MMP26: variants seen among roughly 807,000 people sequenced by gnomAD.
MMP26 encodes the protein matrix metallopeptidase 26.
Under a neutral mutation model 31.0 loss-of-function variants are expected in MMP26, and 33 were observed. The observed-to-expected ratio is 1.06, with a 90% CI of 0.81 to 1.42. The LOEUF is 1.42. Ranked by LOEUF, MMP26 falls within the 40% of genes most tolerant of loss-of-function variation. The pLI is 0.00. For missense variants in MMP26, 347 were observed against 316.1 expected (o/e 1.10, Z -0.74); for synonymous variants, 122 against 114.9 (o/e 1.06, Z -0.40).
At chr11:4,821,567 T>C in intron 2 of MMP26, 1 of 1,613,310 alleles carries the variant, frequency 6.2e-7, no homozygotes, top group African/African-American at 1.3e-5. Context: ...ATGATCCTGT[T>C]TGTGGTCCTC....
rs558272848 is a variant in MMP26, at chr11:4,722,868, C to T, written c.-217+17823C>T. ...GCCGCGCCAGAGCCAAAGCTGGAGCCCAGGCCATAGCTGAGGCCAGGGCTT... is the reference window on the plus strand; with the variant it reads ...GCCGCGCCAGAGCCAAAGCTGGAGCTCAGGCCATAGCTGAGGCCAGGGCTT... On this transcript the variant is annotated intron_variant, in intron 1 of 7. Transcript: ENST00000380390. 156 of 816,260 alleles carry T rather than the reference C, an allele frequency of 1.9e-4. 1 individual carries two copies. In the African/African-American group the frequency reaches 2.1e-3, roughly 11 times the overall value. 50.6% of individuals were successfully genotyped at this position (816,260 alleles called of 1,614,324 possible).
At chr11:4,725,062 G>A (rs751600484) in intron 1 of MMP26, among the ~76,000 whole-genome samples, 12 of 152,126 alleles carry the variant, frequency 7.9e-5, no homozygotes, top group East Asian at 5.8e-4. Context: ...AGATCTGGTC[G>A]TTTAGGAGTG....
Position 4,804,169 on chromosome 11 carries a change from A to T in MMP26, c.-145+36828A>T, listed in dbSNP as rs772784953. 2.5e-6 allele frequency: 4 copies of T among 1,614,186 alleles called. No individual in the cohort carries two copies. The East Asian group carries it at 6.7e-5, about 27-fold the overall frequency. ...GGAGGAGGAGAGGACCAGGTCAGTG[A>T]TGGCCAGCATGGCCAGAAAGAGGTA... On this transcript the variant is annotated intron_variant, in intron 2 of 7. Coordinates refer to ENST00000380390, the MANE Select transcript of MMP26 (RefSeq NM_021801.5).
chr11:4,774,341 T>C lies in MMP26; in HGVS notation c.-145+7000T>C, dbSNP rs189861868. Among the ~76,000 whole-genome samples the C allele has an allele frequency of 3.5e-3, 540 of 152,326 alleles. 11 individuals are homozygous for C. Among genetic ancestry groups the C allele is most frequent in the East Asian group, 2.9e-3 (15 of 5,186 alleles). Reference sequence around the variant, plus strand: ...ATTCTGACTGGTGTGAGATGGTATCTCCTTGTGGCTTTGATTTGCATTTCT... The same window carrying C: ...ATTCTGACTGGTGTGAGATGGTATCCCCTTGTGGCTTTGATTTGCATTTCT... On this transcript the variant is annotated intron_variant, in intron 2 of 7. Transcript: ENST00000380390.
intron 2 of MMP26, among the ~76,000 whole-genome samples, chr11:4,919,539 G>A (rs1851150802): frequency 6.6e-6 from 1 of 152,160 alleles, no homozygotes; most frequent in Non-Finnish European, 1.5e-5. Flanking sequence ...TGAGATACCA[G>A]GATGGAAAGC....
At chr11:4,851,360 C>T (rs1212804184) in intron 2 of MMP26, among the ~76,000 whole-genome samples, 1 of 152,148 alleles carries the variant, frequency 6.6e-6, no homozygotes, top group Non-Finnish European at 1.5e-5. Flanking sequence ...AACTCCACTA[C>T]CCTGAGGTTC....
intron 2 of MMP26, chr11:4,937,304 G>C (rs1457207026): frequency 6.6e-6 from 1 of 152,118 alleles, no homozygotes; most frequent in Non-Finnish European, 1.5e-5. Flanking sequence ...AACATTCAAC[G>C]TCTATTTAGT....
rs540781155 is a variant in MMP26, at chr11:4,777,360, G to T, written c.-145+10019G>T. On this transcript the variant is annotated intron_variant, in intron 2 of 7. Transcript: ENST00000380390. ...AAATTCAAACACAGATTTGTCTGAAGATTTTAAAATATTTTCCCAAGTAGA... is the reference window on the plus strand; with the variant it reads ...AAATTCAAACACAGATTTGTCTGAATATTTTAAAATATTTTCCCAAGTAGA... Among the ~76,000 whole-genome samples the T allele has an allele frequency of 2.0e-5, 3 of 152,210 alleles. No homozygotes were observed. The South Asian group carries it at 6.2e-4, about 32-fold the overall frequency.
chr11:4,911,206 T>G (rs10836936), intron 2 of MMP26, among the ~76,000 whole-genome samples: 17,058 of 152,180 alleles, frequency 0.11, 1,555 homozygotes, highest in East Asian at 0.56. Context: ...CATCAAGAAA[T>G]GACAAATAAT....
intron 2 of MMP26, among the ~76,000 whole-genome samples, chr11:4,958,840 A>G (rs990382104): frequency 3.3e-5 from 5 of 152,202 alleles, no homozygotes; most frequent in Non-Finnish European, 7.3e-5. Flanking sequence ...TCAGAGGGTT[A>G]GTAATAAACA....
At chr11:4,868,475 C>T (rs985333229) in intron 2 of MMP26, among the ~76,000 whole-genome samples, 10 of 152,120 alleles carry the variant, frequency 6.6e-5, no homozygotes, top group African/African-American at 2.2e-4. Context: ...ACAACTGCTT[C>T]AAAGAGAATA....
chr11:4,801,629 G>A (rs978671686), intron 2 of MMP26, among the ~76,000 whole-genome samples: 3 of 151,642 alleles, frequency 2.0e-5, no homozygotes, highest in East Asian at 3.9e-4. Context: ...CGCAACCTCC[G>A]CTTCCCCAGT....
chr11:4,943,895 C>T (rs1231265115), intron 2 of MMP26: 2 of 444,294 alleles, frequency 4.5e-6, no homozygotes, highest in Non-Finnish European at 9.0e-6. Flanking sequence ...CTTTGATACT[C>T]TTTTATGTGA....
chr11:4,736,522 T>C (rs1848242888), intron 1 of MMP26: 1 of 152,240 alleles, frequency 6.6e-6, no homozygotes, highest in Non-Finnish European at 1.5e-5. Flanking sequence ...CTGTTGATCT[T>C]ATTGTCAGAA....
At chr11:4,821,058 C>T (rs1460426975) in intron 2 of MMP26, among the ~76,000 whole-genome samples, 1 of 152,086 alleles carries the variant, frequency 6.6e-6, no homozygotes, top group East Asian at 1.9e-4. Flanking sequence ...TTATTTTCAA[C>T]AAGTACTGGA....
chr11:4,783,641 T>C (rs528299437), intron 2 of MMP26, among the ~76,000 whole-genome samples: 1 of 152,150 alleles, frequency 6.6e-6, no homozygotes, highest in Non-Finnish European at 1.5e-5. Flanking sequence ...GGTGGAATGA[T>C]GTGGTTTGGC....
chr11:4,986,798 G>T (rs1846897029), intron 2 of MMP26, among the ~76,000 whole-genome samples: 1 of 151,504 alleles, frequency 6.6e-6, no homozygotes, highest in Admixed American at 6.6e-5. Flanking sequence ...CTCCCAAAGT[G>T]CAGGGATTAC....
intron 2 of MMP26, among the ~76,000 whole-genome samples, chr11:4,958,719 C>G (rs1278515380): frequency 6.6e-6 from 1 of 152,094 alleles, no homozygotes; most frequent in African/African-American, 2.4e-5. Context: ...TTCTGAGGTG[C>G]TATTCCTGTA....
chr11:4,988,446 TA>T, intron 3 of MMP26, 136 bp downstream of exon 3: 1 of 719,722 alleles, frequency 1.4e-6, no homozygotes, highest in African/African-American at 1.8e-5. Context: ...CATTTTATTC[TA>T]TCTATGTGTT....
Sources: gnomAD v4.1 joint callset for allele counts (sites outside exome capture counted in the v4.1 genomes callset) on GRCh38, gnomAD v4.1.1 for gene constraint, MANE v1.5 for transcripts, NCBI Gene and HGNC (gene_info 2026-07-23, HGNC 2026-07-21) for gene names.